SPECC1: variants seen among roughly 807,000 people sequenced by gnomAD.
The protein encoded by SPECC1 is sperm antigen with calponin homology and coiled-coil domains 1, also known as cytospin-B.
In SPECC1, 62 loss-of-function variants were observed where a neutral mutation model predicts 104.1. That is an observed-to-expected ratio of 0.60 (90% CI 0.49 to 0.74). The LOEUF is 0.74. Among genes scored for constraint, SPECC1 ranks in the 30% least tolerant of loss-of-function variants. The probability of loss-of-function intolerance (pLI) is 0.00; values close to 1 mark genes in which losing one functional copy is unlikely to be tolerated. For missense variants in SPECC1, 1,306 were observed against 1,310.5 expected (o/e 1.00, Z 0.05); for synonymous variants, 513 against 501.6 (o/e 1.02, Z -0.30).
chr17:20,182,838 T>A (rs1176496762), intron 3 of SPECC1, among the ~76,000 whole-genome samples: 2 of 152,178 alleles, frequency 1.3e-5, no homozygotes, highest in Non-Finnish European at 2.9e-5. Flanking sequence ...AAATGCTTCA[T>A]CCGCTTGGCC....
At chr17:20,216,692 GA>G (rs766517897) in intron 4 of SPECC1, among the ~76,000 whole-genome samples, 96 of 152,168 alleles carry the variant, frequency 6.3e-4, no homozygotes, top group Non-Finnish European at 4.4e-4. Context: ...CCCTTCTTGG[GA>G]AGTTTGTTTG....
At position 20,257,711 on chromosome 17, in the gene SPECC1, T is replaced by C; in HGVS notation, c.2837+104T>C. The C allele has an allele frequency of 4.2e-6, 6 of 1,435,126 alleles. No homozygotes were observed. In the South Asian group the frequency reaches 6.3e-5, roughly 15 times the overall value. 88.9% of individuals were successfully genotyped at this position (1,435,126 alleles called of 1,614,324 possible). ...TGGCCAATTTACTTCTACAAATATT[T>C]CCTGCATGAAAATGACTAAGACACT... On this transcript the variant is annotated intron_variant, in intron 11 of 14. Transcript: ENST00000395527.
chr17:20,058,678 T>G (rs546804589), intron 1 of SPECC1, among the ~76,000 whole-genome samples: 1 of 151,926 alleles, frequency 6.6e-6, no homozygotes, highest in Non-Finnish European at 1.5e-5. Context: ...GTTTATTCAT[T>G]TTTTAGCATT....
intron 1 of SPECC1, among the ~76,000 whole-genome samples, chr17:20,063,721 T>A (rs1412101921): frequency 6.6e-6 from 1 of 152,136 alleles, no homozygotes; most frequent in Non-Finnish European, 1.5e-5. Flanking sequence ...TCAGAATCCA[T>A]CAAGAAATGA....
At chr17:20,011,405 G>A (rs1324469314) in intron 1 of SPECC1, among the ~76,000 whole-genome samples, 1 of 151,518 alleles carries the variant, frequency 6.6e-6, no homozygotes, top group African/African-American at 2.4e-5. Context: ...TTTAATATAT[G>A]CTAGCATAAT....
At position 20,315,123 on chromosome 17, in the gene SPECC1, T is replaced by C. The variant is rs1273564148; in HGVS notation, c.*1058T>C. ...ATGTGTGAATGGCCTGTGTCTGCTT[T>C]ACAGGGTTGAGCAGGCTGAGGGTGT... On this transcript the variant is annotated 3_prime_UTR_variant, in exon 15 of 15. Coordinates refer to ENST00000395527, the MANE Select transcript of SPECC1 (RefSeq NM_001243439.2). 2.1e-5 allele frequency: 5 copies of C among 232,994 alleles called. No homozygotes were observed. Among genetic ancestry groups the C allele is most frequent in the Non-Finnish European group, 4.2e-5 (5 of 117,960 alleles). 14.4% of individuals were successfully genotyped at this position (232,994 alleles called of 1,614,324 possible).
intron 4 of SPECC1, among the ~76,000 whole-genome samples, chr17:20,221,622 T>C (rs904644179): frequency 2.6e-5 from 4 of 152,168 alleles, no homozygotes; most frequent in Admixed American, 1.3e-4. Flanking sequence ...TGTTGATCTT[T>C]TGTATTTTTT....
intron 10 of SPECC1, among the ~76,000 whole-genome samples, chr17:20,256,002 C>T (rs1341695162): frequency 6.6e-6 from 1 of 152,102 alleles, no homozygotes; most frequent in Non-Finnish European, 1.5e-5. Context: ...CTCAGCCTCC[C>T]GAGTAGCTGG....
At chr17:20,060,526 A>G (rs2046146576) in intron 1 of SPECC1, among the ~76,000 whole-genome samples, 1 of 152,194 alleles carries the variant, frequency 6.6e-6, no homozygotes, top group Admixed American at 6.5e-5. Context: ...AAAACAAAAA[A>G]ACAATAGAGG....
chr17:20,133,243 C>G (rs1449917950), intron 3 of SPECC1, among the ~76,000 whole-genome samples: 1 of 151,608 alleles, frequency 6.6e-6, no homozygotes, highest in East Asian at 1.9e-4. Context: ...CCCATTTCAC[C>G]GAGTTCTGCT....
intron 7 of SPECC1, among the ~76,000 whole-genome samples, chr17:20,240,909 G>A (rs1299203974): frequency 6.6e-6 from 1 of 152,232 alleles, no homozygotes; most frequent in African/African-American, 2.4e-5. Flanking sequence ...TCTCTTGAGT[G>A]CAGTTTCCCC....
intron 1 of SPECC1, among the ~76,000 whole-genome samples, chr17:20,064,142 G>GAC (rs1163028899): frequency 1.3e-5 from 2 of 152,240 alleles, no homozygotes; most frequent in Admixed American, 1.3e-4. Flanking sequence ...ACCACGAAGA[G>GAC]ACAGGAGTCG....
At chr17:20,117,642 A>G (rs1171445093) in intron 3 of SPECC1, among the ~76,000 whole-genome samples, 2 of 149,338 alleles carry the variant, frequency 1.3e-5, no homozygotes, top group Non-Finnish European at 3.0e-5. Flanking sequence ...ATAAATAAAA[A>G]TTAGCTGGGT....
At chr17:20,130,930 CT>C (rs1478873289) in intron 3 of SPECC1, among the ~76,000 whole-genome samples, 1 of 152,112 alleles carries the variant, frequency 6.6e-6, no homozygotes, top group African/African-American at 2.4e-5. Flanking sequence ...CATACAAATC[CT>C]ATACCTGTTT....
chr17:20,018,925 A>G (rs1283444639), intron 1 of SPECC1, among the ~76,000 whole-genome samples: 1 of 152,160 alleles, frequency 6.6e-6, no homozygotes, highest in African/African-American at 2.4e-5. Flanking sequence ...ACCACATTCC[A>G]CGCTACCTGA....
At chr17:20,145,019 A>G (rs1384552584) in intron 3 of SPECC1, among the ~76,000 whole-genome samples, 1 of 152,246 alleles carries the variant, frequency 6.6e-6, no homozygotes, top group Admixed American at 6.5e-5. Flanking sequence ...AAGGATGTTC[A>G]AGATTCTCTC....
rs995885232 is a variant in SPECC1 at position 20,018,963 on chromosome 17, C to T, written c.-22+9539C>T. 3.9e-5 allele frequency among the ~76,000 whole-genome samples: 6 copies of T among 152,146 alleles called. No homozygotes were observed. In the South Asian group the frequency reaches 1.2e-3, roughly 32 times the overall value. On this transcript the variant is annotated intron_variant, in intron 1 of 14. Coordinates refer to ENST00000395527, the MANE Select transcript of SPECC1 (RefSeq NM_001243439.2). ...AAAAGCAGGAGTTCAGCATAAACCA[C>T]ACAATAATTTAGGCACAGTGAGTCC...
At chr17:20,130,602 AT>A (rs1266933592) in intron 3 of SPECC1, among the ~76,000 whole-genome samples, 8 of 152,300 alleles carry the variant, frequency 5.3e-5, no homozygotes, top group East Asian at 1.9e-4. Flanking sequence ...TTGTTGATCT[AT>A]ATGTCTGTCC....
rs758969407 is a variant in SPECC1, at chr17:20,314,685, T to TCCCCCCCCCCC, written c.*626_*627insCCCCCCCCCCC. ...AACTTTGCCCTTGTGAACCCTCCCTTCCCCCCTCCCCCCCCAAAAAAAAAC... is the reference window on the plus strand; with the variant it reads ...AACTTTGCCCTTGTGAACCCTCCCTTCCCCCCCCCCCCCCCCCTCCCCCCCCAAAAAAAAAC... On this transcript the variant is annotated 3_prime_UTR_variant, in exon 15 of 15. Coordinates refer to ENST00000395527, the MANE Select transcript of SPECC1 (RefSeq NM_001243439.2). 1 of 100,450 alleles carries TCCCCCCCCCCC rather than the reference T, an allele frequency of 1.0e-5. No homozygotes were observed. Among genetic ancestry groups the TCCCCCCCCCCC allele is most frequent in the Non-Finnish European group, 1.8e-5 (1 of 55,950 alleles). The allele number at this position is 100,450 out of a possible 1,614,324, so 6.2% of individuals were successfully genotyped here.
Sources: gnomAD v4.1 joint callset for allele counts (sites outside exome capture counted in the v4.1 genomes callset) on GRCh38, gnomAD v4.1.1 for gene constraint, MANE v1.5 for transcripts, NCBI Gene and HGNC (gene_info 2026-07-23, HGNC 2026-07-21) for gene names.